TEAD1: variants seen among roughly 807,000 people sequenced by gnomAD.
The protein encoded by TEAD1 is TEA domain transcription factor 1.
Under a neutral mutation model 54.9 loss-of-function variants are expected in TEAD1, and 9 were observed. The ratio of observed to expected loss-of-function variants is 0.16; its 90% CI spans 0.10 to 0.29. The LOEUF (loss-of-function observed/expected upper bound fraction) is 0.29, where lower values mean the gene tolerates loss of function less well. Among genes scored for constraint, TEAD1 ranks in the 10% least tolerant of loss-of-function variants. The probability of loss-of-function intolerance (pLI) is 1.00; values close to 1 mark genes in which losing one functional copy is unlikely to be tolerated. For missense variants in TEAD1, 387 were observed against 535.9 expected (o/e 0.72, Z 2.74); for synonymous variants, 200 against 187.8 (o/e 1.07, Z -0.53).
rs1405321913 is a variant in TEAD1, at chr11:12,675,494, A to C, written c.-122A>C. 2 of 152,322 alleles carry C rather than the reference A, an allele frequency of 1.3e-5. No individual in the cohort carries two copies. Among genetic ancestry groups the C allele is most frequent in the Non-Finnish European group, 2.9e-5 (2 of 68,106 alleles). 9.4% of individuals were successfully genotyped at this position (152,322 alleles called of 1,614,324 possible). On this transcript the variant is annotated 5_prime_UTR_variant, in exon 2 of 13. Coordinates refer to ENST00000527636, the MANE Select transcript of TEAD1 (RefSeq NM_021961.6). The stretch of plus-strand genomic sequence containing the variant: ...GTCAGCAGAAACATTGTGTCCAAAA[A>C]AGACTGAGTCGCAGTTACCACCAAA...
intron 2 of TEAD1, among the ~76,000 whole-genome samples, chr11:12,729,045 A>C (rs1404390981): frequency 4.6e-5 from 7 of 152,196 alleles, no homozygotes; most frequent in Non-Finnish European, 8.8e-5. Context: ...GGCAGCTGTA[A>C]TGAGTGATTC....
intron 2 of TEAD1, 125 bp from the exon 3 acceptor site, chr11:12,764,053 CA>C: frequency 1.5e-6 from 1 of 674,052 alleles, no homozygotes. Context: ...TGTGTATCCC[CA>C]AAAAGACTGA....
intron 9 of TEAD1, among the ~76,000 whole-genome samples, chr11:12,893,369 C>T (rs1241672868): frequency 6.6e-6 from 1 of 152,198 alleles, no homozygotes; most frequent in Non-Finnish European, 1.5e-5. Flanking sequence ...GCCGAGCCAC[C>T]TGCGAGCCCC....
At chr11:12,866,630 C>G (rs1221191641) in intron 5 of TEAD1, among the ~76,000 whole-genome samples, 1 of 152,210 alleles carries the variant, frequency 6.6e-6, no homozygotes. Context: ...CTGGGCCACT[C>G]TCTTTTGGGG....
chr11:12,798,104 G>T (rs73423696), intron 3 of TEAD1, among the ~76,000 whole-genome samples: 5,146 of 152,154 alleles, frequency 0.034, 313 homozygotes, highest in African/African-American at 0.12. Flanking sequence ...CTGCCCTGGT[G>T]GCCTCAGCTC....
intron 11 of TEAD1, among the ~76,000 whole-genome samples, chr11:12,926,095 T>C (rs544874273): frequency 2.8e-4 from 43 of 152,346 alleles, no homozygotes; most frequent in Non-Finnish European, 5.7e-4. Context: ...ACCCAATTAA[T>C]TGATCCATGT....
intron 3 of TEAD1, among the ~76,000 whole-genome samples, chr11:12,797,880 G>C (rs1945968821): frequency 6.6e-6 from 1 of 152,096 alleles, no homozygotes; most frequent in Non-Finnish European, 1.5e-5. Context: ...TGTAGGGACT[G>C]ATCAGTCCCT....
chr11:12,773,771 T>C (rs1945360683), intron 3 of TEAD1, among the ~76,000 whole-genome samples: 1 of 152,264 alleles, frequency 6.6e-6, no homozygotes, highest in Non-Finnish European at 1.5e-5. Context: ...GCAAAACTTT[T>C]AACAGCGAAA....
intron 2 of TEAD1, among the ~76,000 whole-genome samples, chr11:12,680,715 C>T (rs1011301335): frequency 2.0e-5 from 3 of 152,090 alleles, no homozygotes. Context: ...GTTTCAAATC[C>T]CTACTGGGAT....
At chr11:12,713,644 G>A (rs1943990004) in intron 2 of TEAD1, among the ~76,000 whole-genome samples, 1 of 152,146 alleles carries the variant, frequency 6.6e-6, no homozygotes, top group Non-Finnish European at 1.5e-5. Context: ...TAGCTGGAGG[G>A]TACAACCCAA....
intron 3 of TEAD1, among the ~76,000 whole-genome samples, chr11:12,769,298 A>C (rs1945270575): frequency 6.6e-6 from 1 of 152,144 alleles, no homozygotes; most frequent in Non-Finnish European, 1.5e-5. Flanking sequence ...AGGACAGCAT[A>C]GGACTTAGGA....
At chr11:12,853,066 A>G (rs2134053887) in intron 3 of TEAD1, among the ~76,000 whole-genome samples, 1 of 152,128 alleles carries the variant, frequency 6.6e-6, no homozygotes, top group East Asian at 1.9e-4. Context: ...GGCTCTGGGC[A>G]CCTGGCTGTC....
intron 2 of TEAD1, among the ~76,000 whole-genome samples, chr11:12,709,364 A>G: frequency 6.6e-6 from 1 of 152,048 alleles, no homozygotes; most frequent in Non-Finnish European, 1.5e-5. Context: ...AAAAACCAGA[A>G]TAATTTGATG....
chr11:12,928,791 G>T (rs1371758), intron 11 of TEAD1, among the ~76,000 whole-genome samples: 122,864 of 152,154 alleles, frequency 0.81, 49,742 homozygotes, highest in East Asian at 0.97. Context: ...ACATGATGTT[G>T]TGAAATATGC....
At chr11:12,818,751 C>G (rs1467054445) in intron 3 of TEAD1, among the ~76,000 whole-genome samples, 3 of 152,198 alleles carry the variant, frequency 2.0e-5, no homozygotes, top group African/African-American at 7.2e-5. Context: ...CAGGTACTTA[C>G]AAGCTGGGGT....
chr11:12,883,806 G>A (rs536569815), intron 9 of TEAD1, among the ~76,000 whole-genome samples: 2 of 152,236 alleles, frequency 1.3e-5, no homozygotes, highest in Non-Finnish European at 2.9e-5. Context: ...GAGGTCAGGA[G>A]ATCAAGACCA....
chr11:12,768,592 A>AG lies in TEAD1; in HGVS notation c.202+4161dup, dbSNP rs575653749. ...GGTATAGCTAGCAGGTTTCAAATTC[A>AG]GGGCTGTCTGACTCTACATCTTGGA... On this transcript the variant is annotated intron_variant, in intron 3 of 12. Coordinates refer to ENST00000527636, the MANE Select transcript of TEAD1 (RefSeq NM_021961.6). 2.3e-4 allele frequency among the ~76,000 whole-genome samples: 35 copies of AG among 152,346 alleles called. No individual in the cohort carries two copies. In the East Asian group the frequency reaches 6.4e-3, roughly 28 times the overall value.
At chr11:12,878,974 T>G in intron 5 of TEAD1, 1 of 1,163,794 alleles carries the variant, frequency 8.6e-7, no homozygotes, top group Non-Finnish European at 1.1e-6. Flanking sequence ...AGCTTTGTGT[T>G]GTTAGCCTTG....
intron 3 of TEAD1, among the ~76,000 whole-genome samples, chr11:12,834,558 G>A (rs1185224880): frequency 6.6e-6 from 1 of 152,170 alleles, no homozygotes; most frequent in Non-Finnish European, 1.5e-5. Context: ...CACAACGCCT[G>A]GTGGTATACA....
Sources: allele counts gnomAD v4.1 joint callset (sites outside exome capture counted in the v4.1 genomes callset), GRCh38; gene constraint gnomAD v4.1.1; transcripts MANE v1.5; gene names NCBI Gene and HGNC (gene_info 2026-07-23, HGNC 2026-07-21).